The following EPG5 variants were observed in gnomAD, a reference collection of about 807,000 sequenced individuals.
The protein encoded by EPG5 is ectopic P granules protein 5 homolog.
A neutral mutation model predicts 302.7 loss-of-function variants in EPG5; 159 were observed. The observed-to-expected ratio is 0.53, with a 90% confidence interval of 0.46 to 0.60. The LOEUF is 0.60. EPG5 is among the 20% of genes least tolerant of loss of function. EPG5 has a pLI of 0.00. For missense variants in EPG5, 2,896 were observed against 3,092.4 expected (o/e 0.94, Z 1.51); for synonymous variants, 1,158 against 1,136.8 (o/e 1.02, Z -0.37).
intron 42 of EPG5, 91 bp from the exon 43 acceptor site, chr18:45,855,778 T>G: frequency 1.3e-6 from 1 of 780,322 alleles, no homozygotes; most frequent in Admixed American, 2.1e-5. Flanking sequence ...CATAAAAAGA[T>G]GAACACATTT....
intron 9 of EPG5, among the ~76,000 whole-genome samples, chr18:45,941,668 T>C (rs180692759): frequency 1.3e-5 from 2 of 152,290 alleles, no homozygotes; most frequent in East Asian, 3.9e-4. Flanking sequence ...ATAGAGTTAC[T>C]GAGAGAATAA....
At chr18:45,810,725 G>A in the EPG5 span, among the ~76,000 whole-genome samples, 3 of 152,280 alleles carry the variant, frequency 2.0e-5, no homozygotes, top group East Asian at 5.8e-4. Context: ...AGGTTGCAGT[G>A]AGCCGAAATA....
At chr18:45,943,934 A>C (rs1042012234) in intron 8 of EPG5, 71 bp downstream of exon 8, 1 of 970,874 alleles carries the variant, frequency 1.0e-6, no homozygotes, top group African/African-American at 1.6e-5. Context: ...AAAAAAAAGA[A>C]GACTCAATGC....
the EPG5 span, among the ~76,000 whole-genome samples, chr18:45,817,810 C>T: frequency 6.6e-6 from 1 of 152,230 alleles, no homozygotes; most frequent in Non-Finnish European, 1.5e-5. Flanking sequence ...TACACACTGT[C>T]ATTTCTGCCA....
At chr18:45,928,766 A>G (rs2050331383) in intron 13 of EPG5, 103 bp downstream of exon 13, 2 of 1,109,724 alleles carry the variant, frequency 1.8e-6, no homozygotes, top group African/African-American at 1.6e-5. Context: ...TCCTGTTTAT[A>G]CCCCTAGTGA....
intron 36 of EPG5, among the ~76,000 whole-genome samples, chr18:45,868,385 T>C (rs1335569831): frequency 1.3e-5 from 2 of 151,532 alleles, no homozygotes; most frequent in Non-Finnish European, 2.9e-5. Context: ...TTACCCAGAT[T>C]GGAACGCAAT....
intron 35 of EPG5, among the ~76,000 whole-genome samples, chr18:45,875,159 A>G (rs1263958655): frequency 6.6e-6 from 1 of 152,220 alleles, no homozygotes; most frequent in Non-Finnish European, 1.5e-5. Flanking sequence ...ATTGACAACA[A>G]ATGTAGATCC....
intron 31 of EPG5, among the ~76,000 whole-genome samples, chr18:45,881,354 A>G (rs1436792623): frequency 6.6e-6 from 1 of 152,228 alleles, no homozygotes; most frequent in Non-Finnish European, 1.5e-5. Context: ...GCATTTGTAC[A>G]AATGTATTTC....
intron 35 of EPG5, among the ~76,000 whole-genome samples, chr18:45,873,792 A>G (rs531675720): frequency 6.6e-6 from 1 of 152,296 alleles, no homozygotes; most frequent in South Asian, 2.1e-4. Context: ...CACCTCTTCA[A>G]GGTAAGATAA....
At chr18:45,948,251 T>G (rs972918813) in intron 6 of EPG5, among the ~76,000 whole-genome samples, 1 of 152,248 alleles carries the variant, frequency 6.6e-6, no homozygotes, top group Admixed American at 6.5e-5. Context: ...CTTTTTTGTC[T>G]GTAGCACCTT....
chr18:45,890,503 T>C (rs2049319120), intron 27 of EPG5, among the ~76,000 whole-genome samples: 1 of 152,194 alleles, frequency 6.6e-6, no homozygotes, highest in South Asian at 2.1e-4. Flanking sequence ...TTTAGGTTCC[T>C]AGAAGCTGGT....
chr18:45,838,751 C>G, the EPG5 span: 16 of 1,583,622 alleles, frequency 1.0e-5, no homozygotes, highest in South Asian at 9.0e-5. Flanking sequence ...TCGGTGCTGC[C>G]CAGTCCGGCT....
At chr18:45,874,719 C>T (rs188276111) in intron 35 of EPG5, among the ~76,000 whole-genome samples, 1 of 152,302 alleles carries the variant, frequency 6.6e-6, no homozygotes, top group East Asian at 1.9e-4. Context: ...ATCATGGTAG[C>T]TACAATTCAA....
intron 16 of EPG5, among the ~76,000 whole-genome samples, chr18:45,919,328 C>T (rs1281172500): frequency 6.6e-6 from 1 of 152,172 alleles, no homozygotes; most frequent in Non-Finnish European, 1.5e-5. Flanking sequence ...CACTCCCATT[C>T]AGGATTCAGT....
chr18:45,956,637 G>A (rs1048080900), intron 1 of EPG5, among the ~76,000 whole-genome samples: 1 of 151,860 alleles, frequency 6.6e-6, no homozygotes, highest in Non-Finnish European at 1.5e-5. Flanking sequence ...GTAGAGACGG[G>A]GTTTCACCGT....
intron 27 of EPG5, among the ~76,000 whole-genome samples, chr18:45,893,859 A>G (rs1336471772): frequency 6.6e-6 from 1 of 152,210 alleles, no homozygotes; most frequent in Non-Finnish European, 1.5e-5. Flanking sequence ...AAAAGTTCCA[A>G]TTTCCATGAT....
At chr18:45,913,314 T>C (rs952598280) in intron 21 of EPG5, among the ~76,000 whole-genome samples, 1 of 152,128 alleles carries the variant, frequency 6.6e-6, no homozygotes, top group African/African-American at 2.4e-5. Context: ...CTTTCCCACA[T>C]ATTAGTAAGC....
intron 27 of EPG5, among the ~76,000 whole-genome samples, chr18:45,892,361 G>C (rs1013425781): frequency 1.3e-5 from 2 of 152,178 alleles, no homozygotes; most frequent in Non-Finnish European, 2.9e-5. Flanking sequence ...GTAGACAATA[G>C]AACAAAGTAG....
chr18:45,867,661 A>G lies in EPG5; in HGVS notation c.6313T>C (p.Trp2105Arg), dbSNP rs751430418. Reference protein sequence around the residue: ...VNWVSVLSDAWNSSPHPETRS... With the variant: ...VNWVSVLSDARNSSPHPETRS... ...GTTTCTGGGTGGGGACTGGAATTCC[A>G]GGCATCAGAGAGCACACTAACCCAG... Residue 2105 changes from tryptophan (W) to arginine (R), a missense_variant, in exon 37 of 44, where the codon TGG becomes CGG. This residue lies in a region of EPG5 where 620 missense variants were observed against 704.2 expected (regional missense o/e 0.88). Coordinates refer to ENST00000282041, the MANE Select transcript of EPG5 (RefSeq NM_020964.3). The G allele has an allele frequency of 6.2e-7, 1 of 1,614,102 alleles. No individual in the cohort carries two copies. Among genetic ancestry groups the G allele is most frequent in the East Asian group, 2.2e-5 (1 of 44,882 alleles).
Sources: allele counts gnomAD v4.1 joint callset (sites outside exome capture counted in the v4.1 genomes callset), GRCh38; gene constraint gnomAD v4.1.1; regional missense constraint gnomAD v4.1.1; transcripts MANE v1.5; gene names NCBI Gene and HGNC (gene_info 2026-07-23, HGNC 2026-07-21).